C8orf34: variants seen among roughly 807,000 people sequenced by gnomAD.
C8orf34 encodes the protein uncharacterized protein C8orf34.
In C8orf34, 65 loss-of-function variants were observed where a neutral mutation model predicts 68.3. That is an observed-to-expected ratio of 0.95 (90% CI 0.78 to 1.17). The LOEUF is 1.17. Among genes scored for constraint, C8orf34 ranks in the 50% most tolerant of loss-of-function variants. The pLI is 0.00. For synonymous variants in C8orf34, 244 were observed against 241.2 expected (o/e 1.01, Z -0.11); for missense variants, 664 against 655.4 (o/e 1.01, Z -0.14).
At chr8:68,419,271 C>T (rs1809831682) in intron 1 of C8orf34, among the ~76,000 whole-genome samples, 1 of 148,392 alleles carries the variant, frequency 6.7e-6, no homozygotes, top group South Asian at 2.2e-4. Context: ...ATCAAAACCA[C>T]AATGAGATAC....
intron 12 of C8orf34, among the ~76,000 whole-genome samples, chr8:68,796,352 G>T (rs533885148): frequency 2.2e-4 from 33 of 152,166 alleles, no homozygotes; most frequent in African/African-American, 5.5e-4. Context: ...CCACCTTTCT[G>T]CAAGTGTTTC....
intron 7 of C8orf34, among the ~76,000 whole-genome samples, chr8:68,624,703 C>T (rs1000686405): frequency 1.4e-4 from 6 of 43,278 alleles, no homozygotes; most frequent in East Asian, 5.9e-4. Flanking sequence ...GATACAGCAG[C>T]GAATATAGAC....
chr8:68,406,841 A>C (rs2129621721), intron 1 of C8orf34, among the ~76,000 whole-genome samples: 1 of 152,178 alleles, frequency 6.6e-6, no homozygotes, highest in Non-Finnish European at 1.5e-5. Context: ...ACAGATCCTA[A>C]ATGGATTACA....
chr8:68,744,248 A>G (rs1249693332), intron 10 of C8orf34, among the ~76,000 whole-genome samples: 1 of 150,988 alleles, frequency 6.6e-6, no homozygotes. Flanking sequence ...CACCATCATC[A>G]AAGACCAAAA....
intron 7 of C8orf34, among the ~76,000 whole-genome samples, chr8:68,622,242 G>A (rs892994196): frequency 1.4e-4 from 21 of 152,204 alleles, no homozygotes; most frequent in African/African-American, 4.8e-4. Flanking sequence ...GGAAGTCAGT[G>A]TCTTGTAACT....
chr8:68,650,551 C>T (rs1389811340), intron 8 of C8orf34, among the ~76,000 whole-genome samples: 1 of 146,212 alleles, frequency 6.8e-6, no homozygotes, highest in Non-Finnish European at 1.5e-5. Flanking sequence ...AGGATCTCGG[C>T]TCACTGCAAG....
At chr8:68,636,534 G>A (rs566317458) in intron 7 of C8orf34, among the ~76,000 whole-genome samples, 4 of 152,066 alleles carry the variant, frequency 2.6e-5, no homozygotes, top group South Asian at 4.2e-4. Context: ...GCAGTGAGCC[G>A]AGATCGCACC....
chr8:68,616,044 T>C (rs1818201416), intron 7 of C8orf34, among the ~76,000 whole-genome samples: 1 of 151,456 alleles, frequency 6.6e-6, no homozygotes, highest in Admixed American at 6.6e-5. Context: ...GAGGAATTTA[T>C]CCATTTCTTC....
chr8:68,518,002 C>T (rs1355367617), intron 5 of C8orf34, among the ~76,000 whole-genome samples: 1 of 152,160 alleles, frequency 6.6e-6, no homozygotes, highest in East Asian at 1.9e-4. Context: ...TGTATCTATT[C>T]TTACTCAATT....
At chr8:68,566,231 C>T (rs1326670903) in intron 7 of C8orf34, among the ~76,000 whole-genome samples, 1 of 152,006 alleles carries the variant, frequency 6.6e-6, no homozygotes, top group African/African-American at 2.4e-5. Context: ...TGTCACAGGG[C>T]CTTGTTGTAC....
chr8:68,619,285 C>T (rs959674377), intron 7 of C8orf34, among the ~76,000 whole-genome samples: 1 of 152,148 alleles, frequency 6.6e-6, no homozygotes, highest in Admixed American at 6.6e-5. Context: ...AAGATCACGC[C>T]ACTGCACTCC....
chr8:68,739,933 G>T (rs1822233984), intron 10 of C8orf34, among the ~76,000 whole-genome samples: 1 of 151,828 alleles, frequency 6.6e-6, no homozygotes, highest in South Asian at 2.1e-4. Context: ...AGAATAGAGA[G>T]CCCAGAAATA....
rs140179965 is a variant in C8orf34, at chr8:68,433,087, C to T, written c.328-6412C>T. ...GGATAATTTCTCATGTATTCATTGT[C>T]AATTCCACGCTCATTACCTGCTTAT... On this transcript the variant is annotated intron_variant, in intron 1 of 13. Transcript: ENST00000518698. Among the ~76,000 whole-genome samples the T allele has an allele frequency of 1.5e-3, 233 of 152,220 alleles. 1 individual carries two copies. The highest frequency in any genetic ancestry group is 5.4e-3 in the African/African-American group (226 of 41,532).
chr8:68,786,647 G>T (rs191738943), intron 11 of C8orf34, among the ~76,000 whole-genome samples: 1 of 152,138 alleles, frequency 6.6e-6, no homozygotes, highest in Non-Finnish European at 1.5e-5. Context: ...ATTATAGCTG[G>T]AGTGGTCAAG....
At chr8:68,757,655 C>CA (rs1221175163) in intron 10 of C8orf34, among the ~76,000 whole-genome samples, 2 of 151,764 alleles carry the variant, frequency 1.3e-5, no homozygotes, top group Admixed American at 6.6e-5. Context: ...AAATAAAGCA[C>CA]AAAAATGTTG....
chr8:68,646,060 C>G (rs1022170066), intron 8 of C8orf34, among the ~76,000 whole-genome samples: 10 of 152,102 alleles, frequency 6.6e-5, no homozygotes, highest in Non-Finnish European at 1.5e-4. Context: ...TTCCTGGAGG[C>G]TCCTGTGTCA....
At chr8:68,639,522 A>G (rs933807130) in intron 7 of C8orf34, among the ~76,000 whole-genome samples, 1 of 151,936 alleles carries the variant, frequency 6.6e-6, no homozygotes, top group Non-Finnish European at 1.5e-5. Flanking sequence ...GAAGATGGTG[A>G]TTTTCCTCCT....
At chr8:68,578,007 T>G (rs928665682) in intron 7 of C8orf34, among the ~76,000 whole-genome samples, 1 of 151,712 alleles carries the variant, frequency 6.6e-6, no homozygotes, top group Non-Finnish European at 1.5e-5. Context: ...TTTTCCACCA[T>G]AGTCTTGGGG....
intron 12 of C8orf34, among the ~76,000 whole-genome samples, chr8:68,813,896 C>G (rs1455377226): frequency 6.6e-6 from 1 of 152,154 alleles, no homozygotes; most frequent in Non-Finnish European, 1.5e-5. Context: ...TAATTCCTTG[C>G]TTCTCAAATC....
Sources: gnomAD v4.1 joint callset for allele counts (sites outside exome capture counted in the v4.1 genomes callset) on GRCh38, gnomAD v4.1.1 for gene constraint, MANE v1.5 for transcripts, NCBI Gene and HGNC (gene_info 2026-07-23, HGNC 2026-07-21) for gene names.